AUTS2: variants seen among roughly 807,000 people sequenced by gnomAD.
The protein encoded by AUTS2 is autism susceptibility gene 2 protein.
In AUTS2, 17 loss-of-function variants were observed where a neutral mutation model predicts 112.4. The ratio of observed to expected loss-of-function variants is 0.15; its 90% CI spans 0.10 to 0.23. The LOEUF is 0.23. Ranked by LOEUF, AUTS2 falls within the 10% of genes least tolerant of loss-of-function variation. The pLI is 1.00. For synonymous variants in AUTS2, 751 were observed against 702.7 expected (o/e 1.07, Z -1.09); for missense variants, 1,510 against 1,701.6 (o/e 0.89, Z 1.98).
intron 2 of AUTS2, among the ~76,000 whole-genome samples, chr7:69,982,908 A>T (rs945629558): frequency 6.6e-6 from 1 of 152,244 alleles, no homozygotes; most frequent in Non-Finnish European, 1.5e-5. Flanking sequence ...GCCAGATTTT[A>T]TAGTGGCAAG....
chr7:70,345,840 T>G (rs1791471260), intron 4 of AUTS2, among the ~76,000 whole-genome samples: 1 of 152,228 alleles, frequency 6.6e-6, no homozygotes, highest in South Asian at 2.1e-4. Context: ...TGAAATTTAC[T>G]TCAAGCCTGA....
chr7:69,667,353 T>G (rs1266637074), intron 1 of AUTS2, among the ~76,000 whole-genome samples: 2 of 13,022 alleles, frequency 1.5e-4, no homozygotes, highest in African/African-American at 7.7e-4. Context: ...TTGTTGTGTT[T>G]TTTTTTTTTT....
chr7:70,521,253 G>A (rs758523188), intron 5 of AUTS2, among the ~76,000 whole-genome samples: 1 of 152,168 alleles, frequency 6.6e-6, no homozygotes, highest in Non-Finnish European at 1.5e-5. Context: ...TTATTCTGAA[G>A]GCTAGTGGAG....
Position 70,628,404 on chromosome 7 carries a change from C to T in AUTS2, c.691-70165C>T, listed in dbSNP as rs1805076075. On this transcript the variant is annotated intron_variant, in intron 5 of 18. Coordinates refer to ENST00000342771, the MANE Select transcript of AUTS2 (RefSeq NM_015570.4). ...ATATATAAATTATATAAGCTTCAGG[C>T]TCTACAAAAACCTGGATCTGAAGCT... 2.0e-5 allele frequency among the ~76,000 whole-genome samples: 3 copies of T among 149,670 alleles called. No homozygotes were observed. The South Asian group carries it at 6.3e-4, about 32-fold the overall frequency.
rs10267431 is a variant in AUTS2, at chr7:70,219,509, T to C, written c.660+84938T>C. ...CTCCTCACCAGTGGAAGAACATTTG[T>C]ATATAACATTTGTTTTGAGATCTGA... On this transcript the variant is annotated intron_variant, in intron 4 of 18. Transcript: ENST00000342771. Among the ~76,000 whole-genome samples, 752 of 152,180 alleles carry C rather than the reference T, an allele frequency of 4.9e-3. 7 individuals carry two copies. The highest frequency in any genetic ancestry group is 0.017 in the African/African-American group (726 of 41,548).
At chr7:70,617,111 G>A (rs901628724) in intron 5 of AUTS2, among the ~76,000 whole-genome samples, 4 of 152,176 alleles carry the variant, frequency 2.6e-5, no homozygotes, top group Admixed American at 6.5e-5. Context: ...TGCTTCAGTG[G>A]CTCAGTGGGG....
At chr7:70,697,747 G>A (rs1188833633) in intron 5 of AUTS2, among the ~76,000 whole-genome samples, 1 of 152,068 alleles carries the variant, frequency 6.6e-6, no homozygotes, top group Non-Finnish European at 1.5e-5. Context: ...ATATCCTCAC[G>A]TTATGTAGTG....
chr7:70,314,761 A>G (rs1789918400), intron 4 of AUTS2, among the ~76,000 whole-genome samples: 1 of 152,062 alleles, frequency 6.6e-6, no homozygotes, highest in African/African-American at 2.4e-5. Context: ...TGTTTATGTC[A>G]CTCCCTCTGG....
chr7:69,960,275 A>G (rs970436321), intron 2 of AUTS2, among the ~76,000 whole-genome samples: 27 of 152,148 alleles, frequency 1.8e-4, no homozygotes, highest in Non-Finnish European at 2.8e-4. Flanking sequence ...GTTTGTGACA[A>G]TTTTCCAGAG....
At chr7:70,636,786 A>G (rs1362378597) in intron 5 of AUTS2, among the ~76,000 whole-genome samples, 1 of 151,860 alleles carries the variant, frequency 6.6e-6, no homozygotes, top group Non-Finnish European at 1.5e-5. Flanking sequence ...ATCTGAGACT[A>G]CAGGCATGCA....
At chr7:70,215,096 G>A (rs1562792338) in intron 4 of AUTS2, among the ~76,000 whole-genome samples, 1 of 152,066 alleles carries the variant, frequency 6.6e-6, no homozygotes, top group Non-Finnish European at 1.5e-5. Flanking sequence ...ACTAGCCTGG[G>A]CAACATACTG....
intron 4 of AUTS2, among the ~76,000 whole-genome samples, chr7:70,310,823 A>T (rs1297563549): frequency 6.6e-6 from 1 of 152,166 alleles, no homozygotes; most frequent in African/African-American, 2.4e-5. Flanking sequence ...GCAAAAGATA[A>T]CATGGTTTTT....
At chr7:70,535,108 C>T (rs1800265356) in intron 5 of AUTS2, among the ~76,000 whole-genome samples, 1 of 151,052 alleles carries the variant, frequency 6.6e-6, no homozygotes, top group Admixed American at 6.6e-5. Flanking sequence ...GATACCTGGG[C>T]TAGTAAGCTG....
chr7:69,690,876 G>A (rs1797311642), intron 1 of AUTS2, among the ~76,000 whole-genome samples: 2 of 152,312 alleles, frequency 1.3e-5, no homozygotes, highest in South Asian at 4.1e-4. Flanking sequence ...GACAACCAGA[G>A]GGTGAGCAAG....
intron 1 of AUTS2, among the ~76,000 whole-genome samples, chr7:69,770,586 A>C (rs1788618392): frequency 6.6e-6 from 1 of 152,142 alleles, no homozygotes; most frequent in South Asian, 2.1e-4. Flanking sequence ...AGAGTGAGCT[A>C]CATGGAGTTA....
intron 1 of AUTS2, among the ~76,000 whole-genome samples, chr7:69,810,858 A>G (rs1790516348): frequency 6.6e-6 from 1 of 152,224 alleles, no homozygotes; most frequent in Non-Finnish European, 1.5e-5. Context: ...AGACTAGAAA[A>G]CATAACGTGA....
At chr7:70,059,292 A>C (rs74519866) in intron 2 of AUTS2, among the ~76,000 whole-genome samples, 3,235 of 152,222 alleles carry the variant, frequency 0.021, 133 homozygotes, top group African/African-American at 0.074. Flanking sequence ...TCTTTCACTT[A>C]GTTATTATAC....
At chr7:70,325,972 A>G (rs1036842866) in intron 4 of AUTS2, among the ~76,000 whole-genome samples, 1 of 152,180 alleles carries the variant, frequency 6.6e-6, no homozygotes, top group African/African-American at 2.4e-5. Context: ...TTCATTTTGC[A>G]CATGTTTTGT....
rs1791863690 is a variant in AUTS2, at chr7:70,790,588, C to T, written c.3372C>T (p.Tyr1124=). The change falls in exon 19 of 19, where the codon TAC becomes TAT. Residue 1124 remains tyrosine, a synonymous_variant. Transcript: ENST00000342771. This position sits in a 1 kb window ranked among gnomAD's most constrained non-coding sequence, Gnocchi z 7.6. ...TCAGGGACCGGGAGCCTCACGACTA[C>T]AGCCACCACCACCACCACCACCACC... ...RSFRDREPHD[Y]SHHHHHHHHP... The T allele has an allele frequency of 6.2e-7, 1 of 1,603,232 alleles. No homozygotes were observed. Among genetic ancestry groups the T allele is most frequent in the Non-Finnish European group, 8.5e-7 (1 of 1,175,700 alleles).
Sources: gnomAD v4.1 joint callset for allele counts (sites outside exome capture counted in the v4.1 genomes callset) on GRCh38, gnomAD v4.1.1 for gene constraint, Gnocchi (gnomAD v3.1) non-coding constraint, MANE v1.5 for transcripts, NCBI Gene and HGNC (gene_info 2026-07-23, HGNC 2026-07-21) for gene names.